The following CAMK1D variants were observed in gnomAD, a reference collection of about 807,000 sequenced individuals.
The protein encoded by CAMK1D is calcium/calmodulin-dependent protein kinase type 1D.
In CAMK1D, 9 loss-of-function variants were observed where a neutral mutation model predicts 47.7. That is an observed-to-expected ratio of 0.19 (90% CI 0.11 to 0.33). The LOEUF (loss-of-function observed/expected upper bound fraction) is 0.33. Ranked by LOEUF, CAMK1D falls within the 10% of genes least tolerant of loss-of-function variation. The pLI is 1.00. For missense variants in CAMK1D, 291 were observed against 488.7 expected, an observed-to-expected ratio of 0.60 and a Z score of 3.81; for synonymous variants, 184 against 184.9, an observed-to-expected ratio of 0.99 and a Z score of 0.04.
chr10:12,611,887 C>G (rs1217080508), intron 2 of CAMK1D, among the ~76,000 whole-genome samples: 1 of 152,178 alleles, frequency 6.6e-6, no homozygotes, highest in Non-Finnish European at 1.5e-5. Flanking sequence ...GCCACCGCGC[C>G]CAGCCCAGAA....
At chr10:12,596,797 C>G (rs1838157955) in intron 2 of CAMK1D, among the ~76,000 whole-genome samples, 1 of 152,144 alleles carries the variant, frequency 6.6e-6, no homozygotes, top group African/African-American at 2.4e-5. Flanking sequence ...TCTACTCCTC[C>G]TGGCCTCCAG....
intron 2 of CAMK1D, among the ~76,000 whole-genome samples, chr10:12,636,201 C>G (rs10508443): frequency 0.25 from 37,525 of 152,146 alleles, 4,857 homozygotes; most frequent in South Asian, 0.37. Context: ...TCCAGTTTCT[C>G]TTGCTAGCAG....
Position 12,761,065 on chromosome 10 carries a change from C to T in CAMK1D, c.417C>T (p.Gly139=), listed in dbSNP as rs755926313. 100 of 1,614,020 alleles carry T rather than the reference C, an allele frequency of 6.2e-5. No individual in the cohort carries two copies. Among genetic ancestry groups the T allele is most frequent in the Non-Finnish European group, 7.9e-5 (93 of 1,180,008 alleles). Residue 139 remains glycine (G), a synonymous_variant, in exon 4 of 11, where the codon GGC becomes GGT. Transcript: ENST00000619168. ...CCGTGTACTATCTCCACAGAATGGG[C>T]ATCGTCCACAGAGACCTCAAGGTGA... ...LDAVYYLHRM[G]IVHRDLKPEN...
At chr10:12,367,060 C>T (rs1009969431) in intron 1 of CAMK1D, among the ~76,000 whole-genome samples, 2 of 152,172 alleles carry the variant, frequency 1.3e-5, no homozygotes, top group Non-Finnish European at 2.9e-5. Flanking sequence ...GGGACAGATC[C>T]TGTCGCCAAG....
intron 1 of CAMK1D, among the ~76,000 whole-genome samples, chr10:12,540,449 G>A (rs950744863): frequency 1.1e-4 from 16 of 152,174 alleles, no homozygotes; most frequent in African/African-American, 3.4e-4. Context: ...TGTGGCAGTA[G>A]GCACTCATGT....
intron 1 of CAMK1D, among the ~76,000 whole-genome samples, chr10:12,549,521 C>T (rs551082050): frequency 8.5e-5 from 13 of 152,330 alleles, no homozygotes; most frequent in East Asian, 5.8e-4. Flanking sequence ...TGGTTGTCCA[C>T]GCACCTGTTC....
At chr10:12,536,248 T>G (rs1029215206) in intron 1 of CAMK1D, among the ~76,000 whole-genome samples, 2 of 152,036 alleles carry the variant, frequency 1.3e-5, no homozygotes, top group Non-Finnish European at 2.9e-5. Context: ...AAAAAAAAGT[T>G]ATGGATCTAG....
chr10:12,461,377 T>C (rs1833417058), intron 1 of CAMK1D, among the ~76,000 whole-genome samples: 1 of 152,070 alleles, frequency 6.6e-6, no homozygotes. Flanking sequence ...TTTTTACTAT[T>C]TGGGGTAGCA....
At chr10:12,716,867 G>A (rs1406878298) in intron 3 of CAMK1D, among the ~76,000 whole-genome samples, 10 of 152,102 alleles carry the variant, frequency 6.6e-5, no homozygotes, top group African/African-American at 1.4e-4. Context: ...CCTGGCTGTC[G>A]GGACTCTCTT....
intron 1 of CAMK1D, among the ~76,000 whole-genome samples, chr10:12,406,605 C>G (rs772675303): frequency 2.0e-5 from 3 of 151,346 alleles, no homozygotes; most frequent in Non-Finnish European, 2.9e-5. Context: ...AGTCTGTAGT[C>G]TCAGCTGCTT....
intron 1 of CAMK1D, among the ~76,000 whole-genome samples, chr10:12,516,539 A>C (rs753117682): frequency 2.0e-5 from 3 of 152,240 alleles, no homozygotes; most frequent in African/African-American, 4.8e-5. Context: ...GTAAGTATTT[A>C]TTGAACCTTG....
intron 1 of CAMK1D, among the ~76,000 whole-genome samples, chr10:12,530,577 T>C (rs1835772065): frequency 6.6e-6 from 1 of 152,222 alleles, no homozygotes. Context: ...ACGAAAATCC[T>C]GTTATAGGAA....
chr10:12,674,550 T>C (rs1840733304), intron 3 of CAMK1D, among the ~76,000 whole-genome samples: 1 of 151,646 alleles, frequency 6.6e-6, no homozygotes, highest in African/African-American at 2.4e-5. Context: ...GAGTCTTAAT[T>C]GTTTCCAGGA....
At chr10:12,397,908 G>A (rs969907066) in intron 1 of CAMK1D, among the ~76,000 whole-genome samples, 1 of 152,152 alleles carries the variant, frequency 6.6e-6, no homozygotes. Flanking sequence ...ACTGAGGGGT[G>A]AGCTTCTTTT....
chr10:12,488,814 G>C (rs1369240724), intron 1 of CAMK1D, among the ~76,000 whole-genome samples: 1 of 152,154 alleles, frequency 6.6e-6, no homozygotes, highest in Admixed American at 6.5e-5. Flanking sequence ...AGAATCTAAT[G>C]GCGCCGCTGA....
intron 2 of CAMK1D, among the ~76,000 whole-genome samples, chr10:12,555,298 A>G (rs1836725896): frequency 6.6e-6 from 1 of 152,264 alleles, no homozygotes; most frequent in African/African-American, 2.4e-5. Context: ...TGAGAGGGCC[A>G]GGACAGTCTG....
chr10:12,627,365 G>A (rs149979083), intron 2 of CAMK1D, among the ~76,000 whole-genome samples: 3,975 of 152,170 alleles, frequency 0.026, 79 homozygotes, highest in Non-Finnish European at 0.037. Flanking sequence ...GATTACAGGC[G>A]TGAGCCACTG....
chr10:12,751,784 G>T (rs570874929), intron 3 of CAMK1D, among the ~76,000 whole-genome samples: 347 of 151,650 alleles, frequency 2.3e-3, no homozygotes, highest in African/African-American at 8.0e-3. Flanking sequence ...TCAGCAGCCG[G>T]CACGCAGCAG....
intron 2 of CAMK1D, among the ~76,000 whole-genome samples, chr10:12,614,710 C>T (rs775181113): frequency 3.9e-5 from 6 of 152,150 alleles, no homozygotes; most frequent in Non-Finnish European, 7.3e-5. Flanking sequence ...CTCCACCCCA[C>T]CTACTCCAGG....
Sources: gnomAD v4.1 joint callset for allele counts (sites outside exome capture counted in the v4.1 genomes callset) on GRCh38, gnomAD v4.1.1 for gene constraint, MANE v1.5 for transcripts, NCBI Gene and HGNC (gene_info 2026-07-23, HGNC 2026-07-21) for gene names.